MCTP2: variants seen among roughly 807,000 people sequenced by gnomAD.
The protein encoded by MCTP2 is multiple C2 and transmembrane domain containing 2, also known as multiple C2 and transmembrane domain-containing protein 2.
Under a neutral mutation model 111.6 loss-of-function variants are expected in MCTP2, and 132 were observed. The ratio of observed to expected loss-of-function variants is 1.18; its 90% CI spans 1.03 to 1.37. The LOEUF (loss-of-function observed/expected upper bound fraction) is 1.37. Ranked by LOEUF, MCTP2 falls within the 40% of genes most tolerant of loss-of-function variation. The pLI, the probability that MCTP2 is intolerant of heterozygous loss-of-function variation, is 0.00. For missense variants in MCTP2, 1,183 were observed against 1,067.9 expected (o/e 1.11, Z -1.50); for synonymous variants, 395 against 387.7 (o/e 1.02, Z -0.22).
At chr15:94,467,627 G>A (rs150627213) in intron 20 of MCTP2, among the ~76,000 whole-genome samples, 209 of 151,830 alleles carry the variant, frequency 1.4e-3, no homozygotes, top group African/African-American at 4.9e-3. Flanking sequence ...TCTTTATTTC[G>A]AGATTTTTCA....
intron 12 of MCTP2, among the ~76,000 whole-genome samples, chr15:94,378,766 T>C (rs2079924510): frequency 6.6e-6 from 1 of 152,190 alleles, no homozygotes; most frequent in African/African-American, 2.4e-5. Context: ...AGTCATTATT[T>C]GTCCTAGAGA....
chr15:94,243,713 ATG>A (rs1310663105), intron 1 of MCTP2, among the ~76,000 whole-genome samples: 19 of 129,376 alleles, frequency 1.5e-4, no homozygotes, highest in Non-Finnish European at 2.6e-4. Context: ...ATACACATAT[ATG>A]TATACACATA....
intron 10 of MCTP2, among the ~76,000 whole-genome samples, chr15:94,361,394 C>T (rs377225816): frequency 1.6e-4 from 25 of 152,220 alleles, no homozygotes; most frequent in African/African-American, 5.1e-4. Flanking sequence ...TCTGGGGTCA[C>T]ACATCCTGAG....
In MCTP2 at chr15:94,243,346, CAT is replaced by C. The variant is rs1228865483; in HGVS notation, c.-66+11684_-66+11685del. Among the ~76,000 whole-genome samples, 885 of 146,038 alleles carry C rather than the reference CAT, an allele frequency of 6.1e-3. 106 individuals are homozygous for C. The highest frequency in any genetic ancestry group is 8.6e-3 in the Non-Finnish European group (572 of 66,518). ...ATACGTATGCGTATATGCGTATGTA[CAT>C]ACATACGTATGCGTATATGCGTATG... is the stretch of plus-strand genomic sequence containing the variant. On this transcript the variant is annotated intron_variant, in intron 1 of 22. Transcript: ENST00000357742.
intron 12 of MCTP2, among the ~76,000 whole-genome samples, chr15:94,374,328 C>T (rs1289721683): frequency 6.6e-6 from 1 of 152,176 alleles, no homozygotes; most frequent in Non-Finnish European, 1.5e-5. Flanking sequence ...CTATGTTACC[C>T]ATTGAGAGAG....
In MCTP2 at chr15:94,470,542, G is replaced by GC. The variant is rs200187612; in HGVS notation, c.2470+101dup. On this transcript the variant is annotated intron_variant, in intron 21 of 22. Coordinates refer to ENST00000357742, the MANE Select transcript of MCTP2 (RefSeq NM_001385001.1). ...ATTAATTTTAAATGTGCTCTTGTTG[G>GC]CAATTAAACATGAGATTAAGGAAAG... 1.4e-3 allele frequency: 1,297 copies of GC among 919,802 alleles called. 23 individuals carry two copies. In the East Asian group the frequency reaches 0.028, roughly 20 times the overall value. 57.0% of individuals were successfully genotyped at this position (919,802 alleles called of 1,614,324 possible).
chr15:94,248,076 A>G (rs2152261028), intron 1 of MCTP2, among the ~76,000 whole-genome samples: 1 of 152,258 alleles, frequency 6.6e-6, no homozygotes, highest in South Asian at 2.1e-4. Context: ...GTGTGATGAG[A>G]TTATGACATG....
intron 19 of MCTP2, among the ~76,000 whole-genome samples, chr15:94,446,507 G>T (rs1170479598): frequency 1.3e-5 from 2 of 152,166 alleles, no homozygotes; most frequent in Non-Finnish European, 2.9e-5. Flanking sequence ...CATGAACCAA[G>T]AAACTATTGT....
intron 1 of MCTP2, among the ~76,000 whole-genome samples, chr15:94,268,514 A>G (rs560761807): frequency 2.5e-3 from 374 of 151,844 alleles, no homozygotes; most frequent in African/African-American, 8.5e-3. Flanking sequence ...TTCTTTTTCA[A>G]TCTTTATTTT....
intron 22 of MCTP2, among the ~76,000 whole-genome samples, chr15:94,478,254 C>T (rs2074523436): frequency 6.6e-6 from 1 of 152,190 alleles, no homozygotes; most frequent in South Asian, 2.1e-4. Context: ...AGAGTCCAGT[C>T]ACTAGCCCTC....
intron 1 of MCTP2, among the ~76,000 whole-genome samples, chr15:94,244,123 C>T (rs1343409302): frequency 6.9e-6 from 1 of 145,814 alleles, no homozygotes; most frequent in African/African-American, 2.5e-5. Flanking sequence ...TGTTTATATA[C>T]ACATGTATAC....
intron 1 of MCTP2, among the ~76,000 whole-genome samples, chr15:94,235,879 C>T (rs755546142): frequency 4.6e-5 from 7 of 152,172 alleles, no homozygotes; most frequent in African/African-American, 7.2e-5. Flanking sequence ...AGAGGCAGGC[C>T]TGGGATTGCT....
intron 4 of MCTP2, among the ~76,000 whole-genome samples, chr15:94,318,534 A>G (rs2076484890): frequency 6.6e-6 from 1 of 152,092 alleles, no homozygotes; most frequent in South Asian, 2.1e-4. Context: ...TGGCCTCCCA[A>G]AGTGCTAGGA....
intron 1 of MCTP2, among the ~76,000 whole-genome samples, chr15:94,287,969 T>C (rs1048206585): frequency 6.6e-6 from 1 of 152,178 alleles, no homozygotes; most frequent in African/African-American, 2.4e-5. Context: ...GCCTCCTTTA[T>C]CTCACTTTTG....
In MCTP2 at chr15:94,298,752, C is replaced by CAT. The variant is rs1555447830; in HGVS notation, c.465+22_465+23insAT. On this transcript the variant is annotated intron_variant, in intron 2 of 22. Transcript: ENST00000357742. ...AGAGGTGAGAATAGGGCTGGGCTCT[C>CAT]TTTTTTTTTGTCTCTCTCTCTCTCT... 4 of 1,462,276 alleles carry CAT rather than the reference C, an allele frequency of 2.7e-6. No individual in the cohort carries two copies. In the African/African-American group the frequency reaches 4.3e-5, roughly 16 times the overall value. 90.6% of individuals were successfully genotyped at this position (1,462,276 alleles called of 1,614,324 possible).
intron 14 of MCTP2, among the ~76,000 whole-genome samples, chr15:94,385,740 G>T (rs8030522): frequency 0.52 from 79,777 of 152,010 alleles, 23,557 homozygotes; most frequent in African/African-American, 0.8. Context: ...CAATATTGAC[G>T]TAACCAACCA....
intron 2 of MCTP2, among the ~76,000 whole-genome samples, chr15:94,309,771 A>G (rs951814654): frequency 1.3e-5 from 2 of 152,202 alleles, no homozygotes; most frequent in South Asian, 2.1e-4. Context: ...AGGGAATGCA[A>G]AGTATGTATT....
chr15:94,364,535 A>G (rs573645302), intron 10 of MCTP2, among the ~76,000 whole-genome samples: 1 of 152,316 alleles, frequency 6.6e-6, no homozygotes, highest in African/African-American at 2.4e-5. Context: ...TTCGTGTTAA[A>G]GGTGTCTTTG....
intron 12 of MCTP2, among the ~76,000 whole-genome samples, chr15:94,377,359 AC>A (rs2152446349): frequency 6.6e-6 from 1 of 152,336 alleles, no homozygotes; most frequent in Non-Finnish European, 1.5e-5. Flanking sequence ...CCAAATCAAG[AC>A]CAACTTTTGA....
Sources: gnomAD v4.1 joint callset for allele counts (sites outside exome capture counted in the v4.1 genomes callset) on GRCh38, gnomAD v4.1.1 for gene constraint, MANE v1.5 for transcripts, NCBI Gene and HGNC (gene_info 2026-07-23, HGNC 2026-07-21) for gene names.